Variants in LINGO2 observed in about 807,000 individuals in gnomAD.
LINGO2 encodes leucine rich repeat and Ig domain containing 2.
A neutral mutation model predicts 30.6 loss-of-function variants in LINGO2; 14 were observed. The observed-to-expected ratio is 0.46, with a 90% confidence interval of 0.30 to 0.72. LINGO2 has a LOEUF of 0.72. LINGO2 is among the 30% of genes least tolerant of loss of function. The pLI, the probability that LINGO2 is intolerant of heterozygous loss-of-function variation, is 0.07. For missense variants in LINGO2, 729 were observed against 751.7 expected, an observed-to-expected ratio of 0.97 and a Z score of 0.35; for synonymous variants, 317 against 288.5, an observed-to-expected ratio of 1.10 and a Z score of -1.00.
intron 2 of LINGO2, among the ~76,000 whole-genome samples, chr9:28,459,303 T>G (rs887174861): frequency 3.3e-5 from 5 of 151,982 alleles, no homozygotes; most frequent in African/African-American, 1.2e-4. Flanking sequence ...TGCTACTATT[T>G]TCTTGAATCT....
the LINGO2 span, among the ~76,000 whole-genome samples, chr9:28,868,885 C>T: frequency 5.6e-3 from 859 of 152,136 alleles, 11 homozygotes; most frequent in African/African-American, 0.019. Flanking sequence ...AAGCCCCCAA[C>T]TCACAACATT....
At chr9:28,585,483 T>C (rs1390976339) in intron 1 of LINGO2, among the ~76,000 whole-genome samples, 2 of 151,974 alleles carry the variant, frequency 1.3e-5, no homozygotes, top group Admixed American at 6.6e-5. Context: ...GGGAAAGCTA[T>C]GGGCATTCAG....
At chr9:28,758,995 C>T in the LINGO2 span, among the ~76,000 whole-genome samples, 4 of 151,858 alleles carry the variant, frequency 2.6e-5, no homozygotes, top group African/African-American at 9.7e-5. Context: ...GTGTAGTTTC[C>T]CTTAGTCAAC....
the LINGO2 span, among the ~76,000 whole-genome samples, chr9:28,866,549 G>A: frequency 6.6e-6 from 1 of 152,104 alleles, no homozygotes; most frequent in Non-Finnish European, 1.5e-5. Flanking sequence ...CTGCAGAGAG[G>A]AGGAAGGCCA....
intron 1 of LINGO2, among the ~76,000 whole-genome samples, chr9:28,664,745 T>C (rs1828725711): frequency 6.6e-6 from 1 of 151,926 alleles, no homozygotes; most frequent in Non-Finnish European, 1.5e-5. Context: ...GCAGTAATTA[T>C]ACAGATATTC....
intron 4 of LINGO2, among the ~76,000 whole-genome samples, chr9:28,099,863 C>T (rs1395542394): frequency 6.6e-6 from 1 of 152,120 alleles, no homozygotes; most frequent in Non-Finnish European, 1.5e-5. Context: ...TCTTGTTCAA[C>T]TCAGACCCTT....
chr9:29,020,101 T>C, the LINGO2 span, among the ~76,000 whole-genome samples: 1 of 152,288 alleles, frequency 6.6e-6, no homozygotes, highest in Non-Finnish European at 1.5e-5. Flanking sequence ...GGAGATCCAA[T>C]ATAAAATTCC....
At chr9:28,451,946 C>G (rs1057356323) in intron 2 of LINGO2, among the ~76,000 whole-genome samples, 4 of 151,418 alleles carry the variant, frequency 2.6e-5, no homozygotes, top group Non-Finnish European at 4.4e-5. Context: ...ATTTTTAAAG[C>G]TTCTTGACCA....
At chr9:28,046,514 A>T (rs1198012) in intron 4 of LINGO2, among the ~76,000 whole-genome samples, 121,526 of 152,104 alleles carry the variant, frequency 0.8, 51,195 homozygotes, top group Non-Finnish European at 0.93. Context: ...GCAGTTTAGG[A>T]ATACTTTTGT....
intron 4 of LINGO2, among the ~76,000 whole-genome samples, chr9:28,138,503 T>A (rs1475544822): frequency 6.6e-6 from 1 of 152,246 alleles, no homozygotes. Context: ...ACTTTTCATA[T>A]TTGAATCTAA....
In LINGO2 at chr9:27,999,216, T is replaced by C. The variant is rs370046392; in HGVS notation, c.-36+13139A>G. On this transcript the variant is annotated intron_variant, in intron 5 of 5. Transcript: ENST00000379992. ...AACACTGCCAACAACAACAACATAC[T>C]CTCTGAAAAGCCAAGACAGAGAAGC... is the stretch of plus-strand genomic sequence containing the variant. Among the ~76,000 whole-genome samples, 107 of 151,756 alleles carry C rather than the reference T, an allele frequency of 7.1e-4. No homozygotes were observed. The South Asian group carries it at 0.021, about 29-fold the overall frequency.
the LINGO2 span, among the ~76,000 whole-genome samples, chr9:29,145,268 A>G: frequency 6.6e-6 from 1 of 152,176 alleles, no homozygotes; most frequent in African/African-American, 2.4e-5. Context: ...CCAGGTGTAG[A>G]GATGGAAGTC....
At chr9:28,797,982 G>C in the LINGO2 span, among the ~76,000 whole-genome samples, 1 of 152,002 alleles carries the variant, frequency 6.6e-6, no homozygotes, top group Non-Finnish European at 1.5e-5. Flanking sequence ...GAGATTGAGG[G>C]AACTAGCTGA....
chr9:28,212,923 A>T (rs1337466206), intron 4 of LINGO2, among the ~76,000 whole-genome samples: 1 of 151,494 alleles, frequency 6.6e-6, no homozygotes, highest in Admixed American at 6.6e-5. Context: ...ATCCTTTGTC[A>T]TAGTAGAGAA....
At chr9:28,721,465 A>T in the LINGO2 span, among the ~76,000 whole-genome samples, 2 of 152,206 alleles carry the variant, frequency 1.3e-5, no homozygotes, top group African/African-American at 4.8e-5. Context: ...TACACCATGG[A>T]ATACTATGCA....
At chr9:28,334,985 G>C (rs781519075) in intron 3 of LINGO2, among the ~76,000 whole-genome samples, 4 of 152,056 alleles carry the variant, frequency 2.6e-5, no homozygotes, top group Non-Finnish European at 4.4e-5. Context: ...TAGAGGCCAG[G>C]GTTAGAAATT....
intron 1 of LINGO2, among the ~76,000 whole-genome samples, chr9:28,649,674 G>A (rs968889719): frequency 2.0e-5 from 3 of 151,994 alleles, no homozygotes; most frequent in African/African-American, 7.2e-5. Flanking sequence ...GTAAAAGCTT[G>A]GAAACACTGG....
chr9:28,757,683 C>T, the LINGO2 span, among the ~76,000 whole-genome samples: 11 of 152,050 alleles, frequency 7.2e-5, no homozygotes, highest in Admixed American at 6.5e-5. Flanking sequence ...AATTCTGGTA[C>T]ATTTTGGTTT....
intron 4 of LINGO2, among the ~76,000 whole-genome samples, chr9:28,084,393 T>C (rs1481370949): frequency 1.3e-5 from 2 of 152,078 alleles, no homozygotes; most frequent in Non-Finnish European, 2.9e-5. Flanking sequence ...TTATAATAAA[T>C]ACGAATTGGA....
Sources: gnomAD v4.1 joint callset for allele counts (sites outside exome capture counted in the v4.1 genomes callset) on GRCh38, gnomAD v4.1.1 for gene constraint, MANE v1.5 for transcripts, NCBI Gene and HGNC (gene_info 2026-07-23, HGNC 2026-07-21) for gene names.